The following TRPM1 variants were observed in gnomAD, a reference collection of about 807,000 sequenced individuals.
TRPM1 encodes TRPM1-203 APA Isoform, Intron 10.
A neutral mutation model predicts 149.4 loss-of-function variants in TRPM1; 113 were observed. That is an observed-to-expected ratio of 0.76 (90% confidence interval 0.65 to 0.88). The LOEUF (loss-of-function observed/expected upper bound fraction) is 0.88. Among genes scored for constraint, TRPM1 ranks in the 40% least tolerant of loss-of-function variants. The pLI is 0.00. For synonymous variants in TRPM1, 741 were observed against 759.5 expected, an observed-to-expected ratio of 0.98 and a Z score of 0.40; for missense variants, 1,976 against 2,038.7, an observed-to-expected ratio of 0.97 and a Z score of 0.59.
intron 14 of TRPM1, 148 bp downstream of exon 14, chr15:31,047,741 T>C (rs2033821983): frequency 1.3e-6 from 1 of 751,562 alleles, no homozygotes; most frequent in Admixed American, 2.0e-5. Context: ...TTTGCTTTCT[T>C]AGTTTTAAAT....
chr15:31,106,574 G>A (rs538899663), upstream of TRPM1, among the ~76,000 whole-genome samples: 198 of 152,180 alleles, frequency 1.3e-3, no homozygotes, highest in Non-Finnish European at 2.5e-3. Context: ...TTTGCCTTTG[G>A]CACTTCTCTT....
intron 27 of TRPM1, among the ~76,000 whole-genome samples, chr15:31,013,231 G>A (rs904755630): frequency 6.6e-6 from 1 of 151,924 alleles, no homozygotes; most frequent in African/African-American, 2.4e-5. Flanking sequence ...GGCTGGTCTT[G>A]AACTCCTGGC....
At chr15:31,097,597 A>G (rs1297047673) in intron 1 of TRPM1, among the ~76,000 whole-genome samples, 2 of 152,218 alleles carry the variant, frequency 1.3e-5, no homozygotes, top group Non-Finnish European at 2.9e-5. Flanking sequence ...GACTGATTAA[A>G]CCAATTAACG....
chr15:31,049,266 C>T, intron 13 of TRPM1, 109 bp downstream of exon 13: 4 of 1,532,062 alleles, frequency 2.6e-6, no homozygotes, highest in Non-Finnish European at 3.6e-6. Flanking sequence ...AAGTACGGAC[C>T]TCCCAGCTGA....
rs2034618040 is a variant in TRPM1 at position 31,073,669 on chromosome 15, CT to C, written c.83+3235del. ...TGCAAATAGAGAGTTTTACTTCTCTCTTTCCAATCTCAATATTTTTTCTTTC... is the reference window on the plus strand; with the variant it reads ...TGCAAATAGAGAGTTTTACTTCTCTCTTCCAATCTCAATATTTTTTCTTTC... On this transcript the variant is annotated intron_variant, in intron 3 of 27. Coordinates refer to ENST00000256552, the MANE Select transcript of TRPM1 (RefSeq NM_001252024.2). 2.0e-5 allele frequency among the ~76,000 whole-genome samples: 3 copies of C among 152,038 alleles called. No individual in the cohort carries two copies. In the South Asian group the frequency reaches 6.2e-4, roughly 31 times the overall value.
At chr15:31,157,013 A>G (rs2036387384) in intron 1 of TRPM1, among the ~76,000 whole-genome samples, 1 of 151,836 alleles carries the variant, frequency 6.6e-6, no homozygotes, top group Admixed American at 6.6e-5. Flanking sequence ...CTTGGGCTCA[A>G]GTAGTCCTCC....
In TRPM1 at chr15:31,010,500, T is replaced by C. The variant is rs559387073; in HGVS notation, c.3630-7430A>G. On this transcript the variant is annotated intron_variant, in intron 27 of 27. Coordinates refer to ENST00000256552, the MANE Select transcript of TRPM1 (RefSeq NM_001252024.2). ...TCATTTTGTTCGCCTTGAAGTATTT[T>C]CTAATTTCTCTTGTGATTTCTTCTT... Among the ~76,000 whole-genome samples, 25 of 152,368 alleles carry C rather than the reference T, an allele frequency of 1.6e-4. No homozygotes were observed. In the East Asian group the frequency reaches 3.5e-3, roughly 21 times the overall value.
chr15:31,112,003 G>A (rs1199484612), intron 1 of TRPM1, among the ~76,000 whole-genome samples: 1 of 152,084 alleles, frequency 6.6e-6, no homozygotes. Context: ...CAAAGACTTC[G>A]CATTTTTATC....
intron 1 of TRPM1, among the ~76,000 whole-genome samples, chr15:31,087,782 TG>T (rs374360478): frequency 1.3e-3 from 191 of 152,168 alleles, no homozygotes; most frequent in African/African-American, 4.5e-3. Flanking sequence ...ACAATTGCTG[TG>T]TGATGTGCGG....
In TRPM1 at chr15:31,069,340, G is replaced by T. The variant is rs569962407; in HGVS notation, c.279+691C>A. On this transcript the variant is annotated intron_variant, in intron 4 of 27. Coordinates refer to ENST00000256552, the MANE Select transcript of TRPM1 (RefSeq NM_001252024.2). ...TGTCTCCTATAAACTGCTTCTTTGT[G>T]TCTGGGCTAATATGTAGGGTGCCAT... 2.1e-4 allele frequency: 179 copies of T among 856,062 alleles called. 2 individuals are homozygous for T. In the South Asian group the frequency reaches 7.3e-3, roughly 35 times the overall value. The allele number at this position is 856,062 out of a possible 1,614,324, so 53.0% of individuals were successfully genotyped here.
At chr15:31,082,087 C>T (rs139989835) in intron 1 of TRPM1, among the ~76,000 whole-genome samples, 3 of 152,302 alleles carry the variant, frequency 2.0e-5, no homozygotes, top group African/African-American at 7.2e-5. Flanking sequence ...GCAACGATAA[C>T]GCCACTGCAG....
chr15:31,122,419 G>A (rs56999411), intron 1 of TRPM1, among the ~76,000 whole-genome samples: 6,328 of 152,236 alleles, frequency 0.042, 429 homozygotes, highest in African/African-American at 0.14. Context: ...TGACTTGATG[G>A]TTTATCTAGA....
chr15:31,055,438 G>A (rs759949820), intron 11 of TRPM1, among the ~76,000 whole-genome samples: 1 of 152,216 alleles, frequency 6.6e-6, no homozygotes, highest in Non-Finnish European at 1.5e-5. Context: ...GTAATGTGGA[G>A]GTTGCTCTTG....
chr15:31,117,734 A>G (rs1235523130), intron 1 of TRPM1, among the ~76,000 whole-genome samples: 1 of 151,938 alleles, frequency 6.6e-6, no homozygotes, highest in East Asian at 1.9e-4. Flanking sequence ...ACAGCATGCA[A>G]GAGCAGCTGT....
In TRPM1 at chr15:31,032,825, C is replaced by T. The variant is rs779690150; in HGVS notation, c.2816G>A (p.Arg939His). The T allele has an allele frequency of 1.8e-5, 29 of 1,614,042 alleles. No homozygotes were observed. The highest frequency in any genetic ancestry group is 4.5e-5 in the East Asian group (2 of 44,898). Reference sequence around the variant, plus strand: ...GCCCATGTAGGGCTGGTTCTGTAGGCGAAGAATTGCTCCAATCATGAATGT... The same window carrying T: ...GCCCATGTAGGGCTGGTTCTGTAGGTGAAGAATTGCTCCAATCATGAATGT... The part of the protein sequence containing the change: ...ISTFMIGAIL[R>H]LQNQPYMGYG... The change falls in exon 22 of 28, where the codon CGC becomes CAC. Residue 939 changes from arginine (R) to histidine (H), a missense_variant. Around this residue, in one of 3 missense-constraint regions of TRPM1, gnomAD observed 1,332 missense variants for 1,347.1 expected, o/e 0.99. Coordinates refer to ENST00000256552, the MANE Select transcript of TRPM1 (RefSeq NM_001252024.2).
chr15:31,063,350 G>A (rs2034288446), intron 7 of TRPM1, 58 bp from the exon 8 acceptor site: 3 of 1,607,450 alleles, frequency 1.9e-6, no homozygotes, highest in Non-Finnish European at 2.6e-6. Context: ...CCACCCAGTC[G>A]TTTTAACTCC....
chr15:31,015,421 A>G (rs1429680698), intron 27 of TRPM1, among the ~76,000 whole-genome samples: 2 of 151,914 alleles, frequency 1.3e-5, no homozygotes, highest in Admixed American at 6.6e-5. Context: ...TAAAAAAAAA[A>G]AAAAGAAAAG....
At chr15:31,094,307 T>C (rs947344072) in intron 1 of TRPM1, among the ~76,000 whole-genome samples, 5 of 152,312 alleles carry the variant, frequency 3.3e-5, no homozygotes, top group African/African-American at 1.2e-4. Context: ...TCGATGGATT[T>C]ATAGATATGA....
rs2032537752 is a variant in TRPM1 at position 31,021,115 on chromosome 15, A to G, written c.3629+5024T>C. ...TTAAGCCATCTCCTTCCTATTATCC[A>G]AGCAACCTTGAACCCTATGAATTTA... On this transcript the variant is annotated intron_variant, in intron 27 of 27. Transcript: ENST00000256552. Among the ~76,000 whole-genome samples the G allele has an allele frequency of 2.0e-5, 3 of 152,156 alleles. No individual in the cohort carries two copies. In the South Asian group the frequency reaches 6.2e-4, roughly 32 times the overall value.
Sources: allele counts gnomAD v4.1 joint callset (sites outside exome capture counted in the v4.1 genomes callset), GRCh38; gene constraint gnomAD v4.1.1; regional missense constraint gnomAD v4.1.1; transcripts MANE v1.5; gene names NCBI Gene and HGNC (gene_info 2026-07-23, HGNC 2026-07-21).